RPS6KC1: variants seen among roughly 807,000 people sequenced by gnomAD.
The protein encoded by RPS6KC1 is ribosomal protein S6 kinase C1, also known as inactive ribosomal protein S6 kinase delta-1.
RPS6KC1 carries 54 observed loss-of-function variants against 103.8 expected under a neutral mutation model. The ratio of observed to expected loss-of-function variants is 0.52; its 90% CI spans 0.42 to 0.65. RPS6KC1 has a LOEUF of 0.65. Among genes scored for constraint, RPS6KC1 ranks in the 30% least tolerant of loss-of-function variants. The pLI is 0.00. For synonymous variants in RPS6KC1, 439 were observed against 438.7 expected (o/e 1.00, Z -0.01); for missense variants, 1,151 against 1,253.8 (o/e 0.92, Z 1.24).
chr1:213,217,916 A>G (rs2093712030), intron 8 of RPS6KC1, among the ~76,000 whole-genome samples: 1 of 152,192 alleles, frequency 6.6e-6, no homozygotes, highest in Non-Finnish European at 1.5e-5. Flanking sequence ...AGCCAATATC[A>G]TACTGAATGG....
At chr1:213,588,219 G>A in the RPS6KC1 span, among the ~76,000 whole-genome samples, 8 of 151,976 alleles carry the variant, frequency 5.3e-5, no homozygotes, top group African/African-American at 1.9e-4. Context: ...TGGGACTACA[G>A]GCCTCTTTTA....
chr1:213,064,471 G>A (rs903338634), intron 1 of RPS6KC1, among the ~76,000 whole-genome samples: 4 of 151,194 alleles, frequency 2.6e-5, no homozygotes, highest in African/African-American at 7.3e-5. Context: ...GGGTTCAAGC[G>A]ATTCTCCTGC....
chr1:213,664,580 CTTGTTCATCAGTTTT>C, the RPS6KC1 span, among the ~76,000 whole-genome samples: 8 of 152,216 alleles, frequency 5.3e-5, no homozygotes, highest in South Asian at 2.1e-4. Context: ...TGGCCCAACT[CTTGTTCATCAGTTTT>C]TTGTTCATCA....
chr1:213,127,249 C>CA (rs2085086381), intron 5 of RPS6KC1, among the ~76,000 whole-genome samples: 2 of 152,118 alleles, frequency 1.3e-5, no homozygotes, highest in Admixed American at 1.3e-4. Context: ...CCTGATGATG[C>CA]AAAAGCCATG....
chr1:213,673,072 A>G, the RPS6KC1 span, among the ~76,000 whole-genome samples: 1 of 152,208 alleles, frequency 6.6e-6, no homozygotes, highest in Non-Finnish European at 1.5e-5. Flanking sequence ...AGAATATGTC[A>G]TAGACCTGAA....
the RPS6KC1 span, among the ~76,000 whole-genome samples, chr1:213,311,141 ATTT>A: frequency 7.2e-6 from 1 of 138,608 alleles, no homozygotes; most frequent in Non-Finnish European, 1.6e-5. Context: ...TAATTTAGGC[ATTT>A]TTTTTTTTTT....
At chr1:213,492,663 G>A in the RPS6KC1 span, 6 of 152,246 alleles carry the variant, frequency 3.9e-5, no homozygotes, top group Non-Finnish European at 8.8e-5. Context: ...CATCGTCACC[G>A]ATAGAGAAAT....
At chr1:213,445,020 C>G in the RPS6KC1 span, among the ~76,000 whole-genome samples, 1 of 152,158 alleles carries the variant, frequency 6.6e-6, no homozygotes, top group Non-Finnish European at 1.5e-5. Flanking sequence ...TCCCTATCTT[C>G]TTTTCCTGCA....
the RPS6KC1 span, among the ~76,000 whole-genome samples, chr1:213,787,321 A>C: frequency 2.0e-5 from 3 of 152,176 alleles, no homozygotes; most frequent in South Asian, 4.1e-4. Context: ...GAAAAGTGAA[A>C]GCTAACATAA....
the RPS6KC1 span, among the ~76,000 whole-genome samples, chr1:213,759,718 A>G: frequency 6.6e-6 from 1 of 152,206 alleles, no homozygotes; most frequent in Admixed American, 6.5e-5. Flanking sequence ...GCAGCTGTAG[A>G]TCCTTACCCA....
At chr1:213,135,613 A>G (rs1295750516) in intron 6 of RPS6KC1, among the ~76,000 whole-genome samples, 1 of 152,164 alleles carries the variant, frequency 6.6e-6, no homozygotes, top group Non-Finnish European at 1.5e-5. Context: ...TCAGATCTTA[A>G]CTGTTTTGAA....
the RPS6KC1 span, among the ~76,000 whole-genome samples, chr1:213,783,595 A>C: frequency 6.6e-6 from 1 of 152,096 alleles, no homozygotes; most frequent in Admixed American, 6.5e-5. Context: ...GTATTAACAA[A>C]CATGAAACGA....
In RPS6KC1 at chr1:213,272,739, T is replaced by A; in HGVS notation, c.*105T>A. Reference sequence around the variant, plus strand: ...AGTTACTTATGGAGCACCAAAGCATTTGGATAAAGACCGTTATAGGAAATG... The same window carrying A: ...AGTTACTTATGGAGCACCAAAGCATATGGATAAAGACCGTTATAGGAAATG... On this transcript the variant is annotated 3_prime_UTR_variant, in exon 15 of 15. Coordinates refer to ENST00000366960, the MANE Select transcript of RPS6KC1 (RefSeq NM_012424.6). The A allele has an allele frequency of 1.3e-6, 1 of 780,798 alleles. No individual in the cohort carries two copies. Among genetic ancestry groups the A allele is most frequent in the Non-Finnish European group, 2.2e-6 (1 of 454,870 alleles). 48.4% of individuals were successfully genotyped at this position (780,798 alleles called of 1,614,324 possible). A position where few individuals can be genotyped will look rare whatever the true frequency, so the allele number is the denominator to read the frequency against.
the RPS6KC1 span, among the ~76,000 whole-genome samples, chr1:213,542,714 A>G: frequency 6.6e-6 from 1 of 152,268 alleles, no homozygotes; most frequent in Non-Finnish European, 1.5e-5. Flanking sequence ...CATTCAGGAC[A>G]TAGTTAAGAA....
the RPS6KC1 span, among the ~76,000 whole-genome samples, chr1:213,603,083 C>T: frequency 1.3e-5 from 2 of 152,238 alleles, no homozygotes; most frequent in Admixed American, 6.5e-5. Context: ...TTACAAAGCA[C>T]AGCAGGCAGA....
the RPS6KC1 span, among the ~76,000 whole-genome samples, chr1:213,671,605 G>A: frequency 3.3e-4 from 50 of 152,108 alleles, no homozygotes; most frequent in African/African-American, 5.3e-4. Context: ...CCAACATGGC[G>A]AAATGCCATC....
In RPS6KC1 at chr1:213,272,711, C is replaced by T. The variant is rs1322110830; in HGVS notation, c.*77C>T. 2 of 1,033,520 alleles carry T rather than the reference C, an allele frequency of 1.9e-6. No individual in the cohort carries two copies. Among genetic ancestry groups the T allele is most frequent in the South Asian group, 1.3e-5 (1 of 75,872 alleles). 64.0% of individuals were successfully genotyped at this position (1,033,520 alleles called of 1,614,324 possible). A position where few individuals can be genotyped will look rare whatever the true frequency, so the allele number is the denominator to read the frequency against. ...CTCCAGCACTGAGGCACCTCTGACT[C>T]ACAGTTACTTATGGAGCACCAAAGC... On this transcript the variant is annotated 3_prime_UTR_variant, in exon 15 of 15. Coordinates refer to ENST00000366960, the MANE Select transcript of RPS6KC1 (RefSeq NM_012424.6).
At chr1:213,859,079 C>T in the RPS6KC1 span, among the ~76,000 whole-genome samples, 1 of 152,070 alleles carries the variant, frequency 6.6e-6, no homozygotes, top group Non-Finnish European at 1.5e-5. Flanking sequence ...TTATGCAGAC[C>T]AAGGCATGCA....
chr1:213,521,670 T>G, the RPS6KC1 span, among the ~76,000 whole-genome samples: 1 of 152,250 alleles, frequency 6.6e-6, no homozygotes, highest in African/African-American at 2.4e-5. Flanking sequence ...TTTTAAATTC[T>G]TGTTGTTATT....
Sources: gnomAD v4.1 joint callset for allele counts (sites outside exome capture counted in the v4.1 genomes callset) on GRCh38, gnomAD v4.1.1 for gene constraint, MANE v1.5 for transcripts, NCBI Gene and HGNC (gene_info 2026-07-23, HGNC 2026-07-21) for gene names.